GABBR2: variants seen among roughly 807,000 people sequenced by gnomAD.
GABBR2 encodes the protein G-protein coupled receptor 51.
GABBR2 carries 23 observed loss-of-function variants against 105.6 expected under a neutral mutation model. The observed-to-expected ratio is 0.22, with a 90% CI of 0.16 to 0.31. GABBR2 has a LOEUF of 0.31. Ranked by LOEUF, GABBR2 falls within the 10% of genes least tolerant of loss-of-function variation. The probability of loss-of-function intolerance (pLI) is 1.00; values close to 1 mark genes in which losing one functional copy is unlikely to be tolerated. For missense variants in GABBR2, 734 were observed against 1,245.5 expected, an observed-to-expected ratio of 0.59 and a Z score of 6.18; for synonymous variants, 478 against 499.7, an observed-to-expected ratio of 0.96 and a Z score of 0.58.
intron 2 of GABBR2, among the ~76,000 whole-genome samples, chr9:98,557,945 A>G (rs1828612822): frequency 6.6e-6 from 1 of 152,178 alleles, no homozygotes; most frequent in African/African-American, 2.4e-5. Context: ...TTTTTACCAG[A>G]ATATATGGTC....
At chr9:98,628,737 G>A (rs1233427090) in intron 1 of GABBR2, among the ~76,000 whole-genome samples, 3 of 152,108 alleles carry the variant, frequency 2.0e-5, no homozygotes, top group South Asian at 4.2e-4. Flanking sequence ...ACTCATTCTC[G>A]AGATGTTTTT....
intron 1 of GABBR2, among the ~76,000 whole-genome samples, chr9:98,682,708 G>A (rs1344438417): frequency 1.3e-5 from 2 of 151,846 alleles, no homozygotes; most frequent in Non-Finnish European, 2.9e-5. Flanking sequence ...ACATAAAGCA[G>A]TTTCACAAAT....
intron 1 of GABBR2, among the ~76,000 whole-genome samples, chr9:98,657,717 G>A (rs780530288): frequency 1.1e-4 from 17 of 152,254 alleles, no homozygotes; most frequent in Non-Finnish European, 2.5e-4. Flanking sequence ...TCTGCATATG[G>A]CAAGAGCGGG....
chr9:98,355,037 T>G (rs1278978506), intron 13 of GABBR2, among the ~76,000 whole-genome samples: 1 of 152,120 alleles, frequency 6.6e-6, no homozygotes, highest in African/African-American at 2.4e-5. Context: ...TGCAGGGTTA[T>G]TAACTGACCT....
At chr9:98,706,636 G>C (rs1019392216) in intron 1 of GABBR2, among the ~76,000 whole-genome samples, 1 of 152,172 alleles carries the variant, frequency 6.6e-6, no homozygotes, top group African/African-American at 2.4e-5. Context: ...AAACAGGCCA[G>C]TATGAAATCT....
At chr9:98,370,040 G>C (rs1449434548) in intron 12 of GABBR2, among the ~76,000 whole-genome samples, 1 of 152,066 alleles carries the variant, frequency 6.6e-6, no homozygotes, top group East Asian at 1.9e-4. Context: ...GAAACCTAAA[G>C]GTGGATGATG....
chr9:98,475,837 C>T (rs538049291), intron 5 of GABBR2, among the ~76,000 whole-genome samples: 55 of 152,174 alleles, frequency 3.6e-4, no homozygotes, highest in African/African-American at 1.1e-3. Context: ...CCGAGGTGGG[C>T]GGATCACTTG....
At chr9:98,543,599 A>G (rs919256806) in intron 2 of GABBR2, among the ~76,000 whole-genome samples, 5 of 152,142 alleles carry the variant, frequency 3.3e-5, no homozygotes, top group Admixed American at 3.3e-4. Context: ...CCCTGGGCTC[A>G]AGCCTCTGGC....
At chr9:98,341,254 A>G (rs911362958) in intron 13 of GABBR2, among the ~76,000 whole-genome samples, 2 of 152,224 alleles carry the variant, frequency 1.3e-5, no homozygotes, top group African/African-American at 4.8e-5. Flanking sequence ...GCCCAGACAC[A>G]TCTGTGCCCA....
chr9:98,327,714 C>CAAAAAA (rs1830948009), intron 13 of GABBR2, among the ~76,000 whole-genome samples: 1 of 151,752 alleles, frequency 6.6e-6, no homozygotes. Flanking sequence ...ACTAAAAATA[C>CAAAAAA]AAACATTAGC....
intron 13 of GABBR2, among the ~76,000 whole-genome samples, chr9:98,335,646 G>T (rs1434007959): frequency 6.7e-6 from 1 of 148,998 alleles, no homozygotes; most frequent in Non-Finnish European, 1.5e-5. Flanking sequence ...CACGAGTCAA[G>T]TTTCTCTTTG....
At chr9:98,642,388 A>G (rs927096210) in intron 1 of GABBR2, among the ~76,000 whole-genome samples, 5 of 152,330 alleles carry the variant, frequency 3.3e-5, no homozygotes, top group Admixed American at 3.3e-4. Flanking sequence ...ACTCCTCAGC[A>G]GTCTCTATGC....
chr9:98,563,400 G>A lies in GABBR2; in HGVS notation c.459+14535C>T, dbSNP rs149532368. ...AGGAAGTGAGCATGCTGTGGGCAGC[G>A]AGGGTTACCGGTTACGGACGCATCC... On this transcript the variant is annotated intron_variant, in intron 2 of 18. Transcript: ENST00000259455. 3.9e-3 allele frequency among the ~76,000 whole-genome samples: 599 copies of A among 152,286 alleles called. 1 individual carries two copies. The highest frequency in any genetic ancestry group is 5.9e-3 in the Non-Finnish European group (399 of 68,036).
At position 98,371,537 on chromosome 9, in the gene GABBR2, G is replaced by T. The variant is rs1203633989; in HGVS notation, c.1697C>A (p.Thr566Asn). The T allele has an allele frequency of 6.2e-7, 1 of 1,611,852 alleles. No individual in the cohort carries two copies. ...CTTTGCAAACATGGCCCCAAAAGCG[G>T]TCGTGTAGCCCACGGTGAGAATCCA... is the stretch of plus-strand genomic sequence containing the variant. ...RTWILTVGYTTAFGAMFAKTW... is the reference protein window; with the variant it reads ...RTWILTVGYTNAFGAMFAKTW... The change falls in exon 12 of 19, where the codon ACC (threonine) becomes AAC (asparagine). Residue 566 changes from threonine to asparagine, a missense_variant. Thr to Asn is a moderately conservative substitution (Grantham distance 65, BLOSUM62 0). This residue lies in a region of GABBR2 where 17 missense variants were observed against 67.8 expected (regional missense o/e 0.25). Transcript: ENST00000259455.
intron 7 of GABBR2, among the ~76,000 whole-genome samples, chr9:98,440,251 G>C (rs1243889105): frequency 6.6e-6 from 1 of 152,184 alleles, no homozygotes; most frequent in Non-Finnish European, 1.5e-5. Context: ...TGTATCCAGA[G>C]CATGCTCTCT....
chr9:98,570,401 C>G (rs556661715), intron 2 of GABBR2, among the ~76,000 whole-genome samples: 1 of 152,342 alleles, frequency 6.6e-6, no homozygotes, highest in African/African-American at 2.4e-5. Context: ...AGCCCTTTAT[C>G]CCTTTAGGAA....
At chr9:98,413,451 CT>C (rs61561755) in intron 7 of GABBR2, among the ~76,000 whole-genome samples, 9,586 of 150,314 alleles carry the variant, frequency 0.064, 1,007 homozygotes, top group African/African-American at 0.22. Context: ...AAAAAATATT[CT>C]TTTTTTTTTC....
chr9:98,498,945 T>C (rs1326965246), intron 3 of GABBR2, among the ~76,000 whole-genome samples: 1 of 152,252 alleles, frequency 6.6e-6, no homozygotes, highest in East Asian at 1.9e-4. Context: ...CGTGAGCTCC[T>C]GGAAACGCAC....
At chr9:98,636,485 C>CTTTTT (rs10559312) in intron 1 of GABBR2, among the ~76,000 whole-genome samples, 20 of 66,206 alleles carry the variant, frequency 3.0e-4, no homozygotes, top group Non-Finnish European at 4.2e-4. Flanking sequence ...TCTTTCCTTT[C>CTTTTT]TTTTTTTTTT....
Sources: gnomAD v4.1 joint callset for allele counts (sites outside exome capture counted in the v4.1 genomes callset) on GRCh38, gnomAD v4.1.1 for gene constraint, gnomAD v4.1.1 regional missense constraint, MANE v1.5 for transcripts, NCBI Gene and HGNC (gene_info 2026-07-23, HGNC 2026-07-21) for gene names.